MYT1L: variants seen among roughly 807,000 people sequenced by gnomAD.
MYT1L encodes myelin transcription factor 1-like protein.
MYT1L carries 12 observed loss-of-function variants against 126.7 expected under a neutral mutation model. That is an observed-to-expected ratio of 0.09 (90% confidence interval 0.06 to 0.15). The LOEUF (loss-of-function observed/expected upper bound fraction) is 0.15, where lower values mean the gene tolerates loss of function less well. MYT1L is among the 10% of genes least tolerant of loss of function. The probability of loss-of-function intolerance (pLI) is 1.00; values close to 1 mark genes in which losing one functional copy is unlikely to be tolerated. For synonymous variants in MYT1L, 541 were observed against 604.2 expected (o/e 0.90, Z 1.53); for missense variants, 979 against 1,585.2 (o/e 0.62, Z 6.49).
intron 4 of MYT1L, among the ~76,000 whole-genome samples, chr2:2,041,250 A>C (rs1360803836): frequency 6.6e-6 from 1 of 152,232 alleles, no homozygotes; most frequent in Non-Finnish European, 1.5e-5. Flanking sequence ...AAGCTGATGA[A>C]GATTGTGAAA....
chr2:1,954,150 A>T (rs1037869018), intron 8 of MYT1L, among the ~76,000 whole-genome samples: 2 of 152,156 alleles, frequency 1.3e-5, no homozygotes, highest in Non-Finnish European at 2.9e-5. Context: ...CACAAAGTCA[A>T]AGCCTCAGGT....
chr2:1,972,708 C>A lies in MYT1L; in HGVS notation c.152+6457G>T, dbSNP rs991975721. 2.0e-5 allele frequency among the ~76,000 whole-genome samples: 3 copies of A among 152,204 alleles called. No homozygotes were observed. The East Asian group carries it at 5.8e-4, about 29-fold the overall frequency. On this transcript the variant is annotated intron_variant, in intron 8 of 24. Coordinates refer to ENST00000647738, the MANE Select transcript of MYT1L (RefSeq NM_001303052.2). The stretch of plus-strand genomic sequence containing the variant: ...CAGAACAGCCTCCTGTGAAGACAGG[C>A]AATTATTCACCACGCTGTGCCATGG...
chr2:1,900,105 T>A (rs1355733394), intron 14 of MYT1L, among the ~76,000 whole-genome samples: 2 of 152,198 alleles, frequency 1.3e-5, no homozygotes, highest in Non-Finnish European at 2.9e-5. Context: ...CTGCCTCTTT[T>A]TAGGAACAAT....
chr2:2,274,724 A>G (rs567185425), intron 2 of MYT1L, among the ~76,000 whole-genome samples: 49 of 152,352 alleles, frequency 3.2e-4, no homozygotes, highest in Non-Finnish European at 5.1e-4. Context: ...TTGCACAGGA[A>G]TCTTAATTGT....
At chr2:2,311,713 G>A (rs945958884) in intron 1 of MYT1L, among the ~76,000 whole-genome samples, 1 of 152,130 alleles carries the variant, frequency 6.6e-6, no homozygotes, top group Non-Finnish European at 1.5e-5. Flanking sequence ...TAGGGGAGCA[G>A]GAACAAATAA....
chr2:1,794,014 G>A (rs957144165), intron 23 of MYT1L, among the ~76,000 whole-genome samples: 1 of 152,208 alleles, frequency 6.6e-6, no homozygotes, highest in African/African-American at 2.4e-5. Context: ...GATGATGTCA[G>A]TGTAAGCAGA....
chr2:2,113,588 T>C (rs1386467101), intron 3 of MYT1L, among the ~76,000 whole-genome samples: 6 of 152,234 alleles, frequency 3.9e-5, no homozygotes, highest in African/African-American at 1.4e-4. Flanking sequence ...CTGTTGTATG[T>C]GCTGCTGAAA....
chr2:1,925,670 C>T (rs1483074958), intron 9 of MYT1L, among the ~76,000 whole-genome samples: 3 of 152,140 alleles, frequency 2.0e-5, no homozygotes, highest in Admixed American at 6.5e-5. Context: ...GTCTGGAGAC[C>T]GGCAGAACGC....
chr2:2,223,877 A>T (rs1203413535), intron 2 of MYT1L, among the ~76,000 whole-genome samples: 1 of 152,132 alleles, frequency 6.6e-6, no homozygotes, highest in Non-Finnish European at 1.5e-5. Flanking sequence ...GTGAAAATGG[A>T]CCTCAGCTGG....
At chr2:2,245,530 AC>A (rs1424170620) in intron 2 of MYT1L, among the ~76,000 whole-genome samples, 1 of 152,210 alleles carries the variant, frequency 6.6e-6, no homozygotes, top group Non-Finnish European at 1.5e-5. Flanking sequence ...AAGTGTAATG[AC>A]AAAAGAAGAA....
intron 3 of MYT1L, among the ~76,000 whole-genome samples, chr2:2,068,760 G>GTT (rs2074196174): frequency 3.8e-5 from 1 of 26,664 alleles, no homozygotes; most frequent in African/African-American, 1.1e-4. Context: ...AGACACCTGT[G>GTT]TTCTTCTTGT....
chr2:2,178,551 C>T (rs993285906), intron 2 of MYT1L, among the ~76,000 whole-genome samples: 2 of 152,174 alleles, frequency 1.3e-5, no homozygotes, highest in African/African-American at 4.8e-5. Flanking sequence ...GCCCTCCTTC[C>T]TTCTGCAGGA....
rs536870501 is a variant in MYT1L, at chr2:1,918,000, C to T, written c.1484-661G>A. Among the ~76,000 whole-genome samples, 3 of 152,234 alleles carry T rather than the reference C, an allele frequency of 2.0e-5. No individual in the cohort carries two copies. The highest frequency in any genetic ancestry group is 4.8e-5 in the African/African-American group (2 of 41,536). On this transcript the variant is annotated intron_variant, in intron 10 of 24. Transcript: ENST00000647738. The surrounding 1 kb of genome is among the most constrained non-coding windows in gnomAD (Gnocchi z 5.9). ...GGTAATCAACATGTTTCAGAAGCCACGGGAGCAGCCTTTTGTTTTGATTTC... is the reference window on the plus strand; with the variant it reads ...GGTAATCAACATGTTTCAGAAGCCATGGGAGCAGCCTTTTGTTTTGATTTC...
chr2:2,176,087 C>T (rs1250977110), intron 2 of MYT1L, among the ~76,000 whole-genome samples: 1 of 152,184 alleles, frequency 6.6e-6, no homozygotes, highest in Non-Finnish European at 1.5e-5. Flanking sequence ...GCTCATGAGA[C>T]AGTCACTCAG....
rs540453585 is a variant in MYT1L, at chr2:2,175,194, C to T, written c.-420-2206G>A. Among the ~76,000 whole-genome samples, 22 of 152,246 alleles carry T rather than the reference C, an allele frequency of 1.4e-4. No homozygotes were observed. In the South Asian group the frequency reaches 4.6e-3, roughly 32 times the overall value. On this transcript the variant is annotated intron_variant, in intron 2 of 24. Transcript: ENST00000647738. ...GAAGAACCAAGCCTGTCTTCCTCCA[C>T]CCTCTCTTGCCAGGGCGGTGCCCAC... is the stretch of plus-strand genomic sequence containing the variant.
chr2:1,815,737 G>T (rs759930734), intron 21 of MYT1L, among the ~76,000 whole-genome samples: 1 of 152,218 alleles, frequency 6.6e-6, no homozygotes, highest in Non-Finnish European at 1.5e-5. Context: ...CCAGACAGTC[G>T]GTCAGGCCAG....
chr2:2,151,338 G>T (rs1005046806), intron 3 of MYT1L, among the ~76,000 whole-genome samples: 1 of 152,146 alleles, frequency 6.6e-6, no homozygotes, highest in South Asian at 2.1e-4. Flanking sequence ...TAGTCAGTCA[G>T]TAAGTACATG....
At chr2:2,243,850 A>G (rs1191864520) in intron 2 of MYT1L, among the ~76,000 whole-genome samples, 1 of 152,184 alleles carries the variant, frequency 6.6e-6, no homozygotes, top group African/African-American at 2.4e-5. Flanking sequence ...AGGAGGCTCG[A>G]AGTTAGCTTC....
intron 3 of MYT1L, among the ~76,000 whole-genome samples, chr2:2,162,666 G>A (rs1258228006): frequency 1.3e-5 from 2 of 152,328 alleles, no homozygotes; most frequent in Middle Eastern, 3.4e-3. Context: ...CTCAGATTCC[G>A]CAGGGCAGGG....
Sources: allele counts gnomAD v4.1 joint callset (sites outside exome capture counted in the v4.1 genomes callset), GRCh38; gene constraint gnomAD v4.1.1; non-coding constraint Gnocchi (gnomAD v3.1); transcripts MANE v1.5; gene names NCBI Gene and HGNC (gene_info 2026-07-23, HGNC 2026-07-21).